The following FILIP1L variants were observed in gnomAD, a reference collection of about 807,000 sequenced individuals.
The protein encoded by FILIP1L is filamin A-interacting protein 1-like.
FILIP1L carries 55 observed loss-of-function variants against 96.6 expected under a neutral mutation model. The observed-to-expected ratio is 0.57, with a 90% CI of 0.46 to 0.71. FILIP1L has a LOEUF of 0.71. Ranked by LOEUF, FILIP1L falls within the 30% of genes least tolerant of loss-of-function variation. The pLI is 0.00. For synonymous variants in FILIP1L, 467 were observed against 473.9 expected (o/e 0.99, Z 0.19); for missense variants, 1,304 against 1,321.2 (o/e 0.99, Z 0.20).
chr3:100,053,286 A>G (rs2065404945), intron 1 of FILIP1L, among the ~76,000 whole-genome samples: 1 of 152,208 alleles, frequency 6.6e-6, no homozygotes, highest in African/African-American at 2.4e-5. Flanking sequence ...ACAGTTCTAG[A>G]GGCTAGAAGT....
chr3:99,911,764 T>C (rs1178314969), intron 4 of FILIP1L, among the ~76,000 whole-genome samples: 1 of 152,144 alleles, frequency 6.6e-6, no homozygotes, highest in Admixed American at 6.5e-5. Context: ...CACAATTAAT[T>C]AACTCATTCT....
rs1423839589 is a variant in FILIP1L, at chr3:99,839,718, T to C, written c.3381+8577A>G. 5.3e-5 allele frequency among the ~76,000 whole-genome samples: 8 copies of C among 152,322 alleles called. No homozygotes were observed. In the Middle Eastern group the frequency reaches 0.017, roughly 324 times the overall value. ...ATAAAATACTGTAATAATACAAATA[T>C]AGATGTTCAAGTATGAACATGCTCT... On this transcript the variant is annotated intron_variant, in intron 5 of 5. Coordinates refer to ENST00000477258, the MANE Select transcript of FILIP1L (RefSeq NM_001387850.1).
intron 1 of FILIP1L, among the ~76,000 whole-genome samples, chr3:99,982,345 CT>C (rs999936582): frequency 1.8e-3 from 257 of 144,026 alleles, no homozygotes; most frequent in Middle Eastern, 3.6e-3. Context: ...TAATTTTTTA[CT>C]TTTTTTTTTT....
chr3:99,938,005 A>C (rs1168255243), intron 1 of FILIP1L, among the ~76,000 whole-genome samples: 2 of 152,134 alleles, frequency 1.3e-5, no homozygotes, highest in Non-Finnish European at 2.9e-5. Context: ...CAAATAAATT[A>C]ATATCAATTT....
At chr3:100,080,211 T>G (rs1391110279) in intron 1 of FILIP1L, among the ~76,000 whole-genome samples, 2 of 152,168 alleles carry the variant, frequency 1.3e-5, no homozygotes, top group African/African-American at 4.8e-5. Context: ...CTCAAACTCC[T>G]GAGCTCAACC....
intron 1 of FILIP1L, among the ~76,000 whole-genome samples, chr3:100,014,895 C>T (rs376334525): frequency 0.21 from 5,007 of 24,016 alleles, 1 homozygote; most frequent in Middle Eastern, 0.38. Flanking sequence ...TTCTTTCTTT[C>T]TTTTTTTTTT....
intron 1 of FILIP1L, among the ~76,000 whole-genome samples, chr3:100,082,990 A>G (rs2065955136): frequency 6.6e-6 from 1 of 152,212 alleles, no homozygotes. Flanking sequence ...TAATGTTTAG[A>G]AAAATTCAAG....
intron 4 of FILIP1L, among the ~76,000 whole-genome samples, chr3:99,894,924 C>T (rs1203618309): frequency 1.3e-5 from 2 of 152,124 alleles, no homozygotes; most frequent in Non-Finnish European, 2.9e-5. Flanking sequence ...CTAGCTGGGA[C>T]CCTATGTGTT....
chr3:99,980,121 C>T (rs1040048671), intron 1 of FILIP1L, among the ~76,000 whole-genome samples: 2 of 152,074 alleles, frequency 1.3e-5, no homozygotes, highest in East Asian at 1.9e-4. Context: ...CAGTACAGTA[C>T]GGACTATATA....
At chr3:100,025,567 G>C (rs1273999017) in intron 1 of FILIP1L, 3 of 152,114 alleles carry the variant, frequency 2.0e-5, no homozygotes, top group African/African-American at 7.2e-5. Context: ...AGGTAAGATG[G>C]CTTTGCTGTT....
chr3:99,967,719 A>G (rs749268513), intron 1 of FILIP1L, among the ~76,000 whole-genome samples: 3 of 152,222 alleles, frequency 2.0e-5, no homozygotes, highest in Non-Finnish European at 4.4e-5. Context: ...GAGCTACAGA[A>G]TGACACTAAT....
At chr3:99,885,817 C>T (rs909515533) in intron 4 of FILIP1L, among the ~76,000 whole-genome samples, 2 of 152,152 alleles carry the variant, frequency 1.3e-5, no homozygotes, top group African/African-American at 4.8e-5. Context: ...CTTTTGTGTA[C>T]ATTTACCAAC....
At chr3:100,048,698 C>T (rs1449037685) in intron 1 of FILIP1L, among the ~76,000 whole-genome samples, 3 of 152,100 alleles carry the variant, frequency 2.0e-5, no homozygotes, top group Non-Finnish European at 1.5e-5. Context: ...CTAAAGGAAG[C>T]AATCAAGTCC....
chr3:100,032,597 CAT>C (rs1262324063), intron 1 of FILIP1L, among the ~76,000 whole-genome samples: 2 of 152,060 alleles, frequency 1.3e-5, no homozygotes, highest in Non-Finnish European at 2.9e-5. Flanking sequence ...CACAAGAACA[CAT>C]AAAAATCTCT....
intron 1 of FILIP1L, among the ~76,000 whole-genome samples, chr3:100,008,781 C>G (rs1430291425): frequency 6.6e-6 from 1 of 152,072 alleles, no homozygotes; most frequent in Non-Finnish European, 1.5e-5. Context: ...TGCTCTGGCC[C>G]TTGTATTTTG....
chr3:99,952,043 C>T (rs888840441), intron 1 of FILIP1L, among the ~76,000 whole-genome samples: 3 of 152,176 alleles, frequency 2.0e-5, no homozygotes, highest in South Asian at 2.1e-4. Context: ...TCCAGTGGAC[C>T]ATATGTAACT....
intron 4 of FILIP1L, among the ~76,000 whole-genome samples, chr3:99,914,428 T>C (rs1426928468): frequency 7.2e-5 from 11 of 152,202 alleles, no homozygotes; most frequent in Admixed American, 6.5e-4. Context: ...GTTTTTGATA[T>C]GTTAGATTTT....
chr3:99,872,917 CTT>C (rs74418095), intron 4 of FILIP1L, among the ~76,000 whole-genome samples: 4 of 143,480 alleles, frequency 2.8e-5, no homozygotes, highest in Admixed American at 7.0e-5. Flanking sequence ...AATCTCAAGT[CTT>C]TTTTTTTTTT....
intron 4 of FILIP1L, among the ~76,000 whole-genome samples, chr3:99,888,600 C>T (rs1705983483): frequency 2.0e-5 from 3 of 152,146 alleles, no homozygotes; most frequent in Admixed American, 2.0e-4. Flanking sequence ...GAGAGAGGCT[C>T]TTTATGTTTT....
Sources: allele counts gnomAD v4.1 joint callset (sites outside exome capture counted in the v4.1 genomes callset), GRCh38; gene constraint gnomAD v4.1.1; transcripts MANE v1.5; gene names NCBI Gene and HGNC (gene_info 2026-07-23, HGNC 2026-07-21).